Variants in ROPN1L observed in about 807,000 individuals in gnomAD.
The protein encoded by ROPN1L is rhophilin associated tail protein 1 like.
Under a neutral mutation model 22.7 loss-of-function variants are expected in ROPN1L, and 23 were observed. The observed-to-expected ratio is 1.01, with a 90% confidence interval of 0.73 to 1.43. The LOEUF is 1.43. Ranked by LOEUF, ROPN1L falls within the 40% of genes most tolerant of loss-of-function variation. ROPN1L has a pLI of 0.00. For synonymous variants in ROPN1L, 116 were observed against 117.8 expected (o/e 0.98, Z 0.10); for missense variants, 271 against 291.5 (o/e 0.93, Z 0.51).
At chr5:10,447,352 C>T (rs1020601095) in intron 1 of ROPN1L, among the ~76,000 whole-genome samples, 2 of 152,142 alleles carry the variant, frequency 1.3e-5, no homozygotes, top group Admixed American at 1.3e-4. Context: ...CAGTTTCCCA[C>T]TCTTGCCCCC....
rs554489516 is a variant in ROPN1L at position 10,461,184 on chromosome 5, T to A, written c.418T>A (p.Ser140Thr). ...LALGCSMLGGSLNTALKHLCE... is the reference protein window; with the variant it reads ...LALGCSMLGGTLNTALKHLCE... Reference sequence around the variant, plus strand: ...CCCCACCTGGCTGTGGTGCTCCCAGTCCTTGAACACTGCGCTGAAGCACCT... The same window carrying A: ...CCCCACCTGGCTGTGGTGCTCCCAGACCTTGAACACTGCGCTGAAGCACCT... The change falls in exon 4 of 5, where the codon TCC becomes ACC. Residue 140 changes from serine (S) to threonine (T), a missense_variant and splice_region_variant. Ser to Thr is a moderately conservative substitution (Grantham distance 58). Coordinates refer to ENST00000274134, the MANE Select transcript of ROPN1L (RefSeq NM_031916.5). The A allele has an allele frequency of 6.2e-7, 1 of 1,612,696 alleles. No homozygotes were observed.
intron 3 of ROPN1L, among the ~76,000 whole-genome samples, chr5:10,458,817 CTCA>C (rs1385638099): frequency 1.9e-4 from 7 of 37,276 alleles, no homozygotes; most frequent in African/African-American, 4.4e-4. Context: ...TGTACACCAT[CTCA>C]CCCATGTACA....
chr5:10,446,494 C>G (rs890635148), intron 1 of ROPN1L, among the ~76,000 whole-genome samples: 13 of 152,102 alleles, frequency 8.5e-5, no homozygotes, highest in Admixed American at 6.5e-4. Context: ...AACCCCGTCT[C>G]TAATAAAATA....
At chr5:10,471,541 T>C (rs570586096) in intron 4 of ROPN1L, among the ~76,000 whole-genome samples, 1 of 152,306 alleles carries the variant, frequency 6.6e-6, no homozygotes, top group South Asian at 2.1e-4. Flanking sequence ...AGGAGACTGC[T>C]TACTAAGATA....
chr5:10,467,144 G>A (rs1017076321), downstream of ROPN1L, among the ~76,000 whole-genome samples: 144 of 152,068 alleles, frequency 9.5e-4, 1 homozygote, highest in African/African-American at 3.2e-3. Flanking sequence ...AAGTTCCTCC[G>A]CGCCACATTA....
chr5:10,449,852 C>A, intron 2 of ROPN1L, 100 bp from the exon 3 acceptor site: 1 of 978,284 alleles, frequency 1.0e-6, no homozygotes, highest in Non-Finnish European at 1.5e-6. Context: ...CTGTCCCCTG[C>A]ATGGGGCGGG....
At chr5:10,452,910 G>C (rs551654387) in intron 3 of ROPN1L, among the ~76,000 whole-genome samples, 31 of 152,292 alleles carry the variant, frequency 2.0e-4, no homozygotes, top group South Asian at 8.3e-4. Context: ...GTTAAGGATA[G>C]AGCTTGGCCG....
intron 1 of ROPN1L, among the ~76,000 whole-genome samples, chr5:10,443,601 C>T (rs902678705): frequency 1.3e-5 from 2 of 151,626 alleles, no homozygotes; most frequent in African/African-American, 4.9e-5. Flanking sequence ...CGCAGTCCGG[C>T]CCGGGCGACA....
intron 1 of ROPN1L, 126 bp downstream of exon 1, chr5:10,442,424 T>G: frequency 8.2e-7 from 1 of 1,224,006 alleles, no homozygotes; most frequent in Non-Finnish European, 1.1e-6. Context: ...CAGGCAAAAC[T>G]TTCCCCTTAG....
Position 10,441,929 on chromosome 5 carries a change from A to C in ROPN1L, c.-239A>C. On this transcript the variant is annotated 5_prime_UTR_variant, in exon 1 of 5. Coordinates refer to ENST00000274134, the MANE Select transcript of ROPN1L (RefSeq NM_031916.5). ...CGCGTCCGTAGTGGCGGCTGGCGCT[A>C]GGGAACTGCAGGGTCTAGGGTGTTG... is the stretch of plus-strand genomic sequence containing the variant. The C allele has an allele frequency of 5.6e-6, 2 of 356,540 alleles. No individual in the cohort carries two copies. Among genetic ancestry groups the C allele is most frequent in the Non-Finnish European group, 5.1e-6 (1 of 196,414 alleles). 22.1% of individuals were successfully genotyped at this position (356,540 alleles called of 1,614,324 possible).
intron 3 of ROPN1L, among the ~76,000 whole-genome samples, chr5:10,455,496 T>C (rs1027421017): frequency 5.9e-5 from 9 of 152,230 alleles, no homozygotes; most frequent in African/African-American, 1.4e-4. Context: ...TGATTGCTCA[T>C]GTCCCTCCCT....
At chr5:10,460,522 GA>G (rs201914648) in intron 3 of ROPN1L, among the ~76,000 whole-genome samples, 2 of 145,564 alleles carry the variant, frequency 1.4e-5, no homozygotes, top group East Asian at 7.0e-4. Flanking sequence ...CTTTCCCGCT[GA>G]AAGCAGAGGG....
chr5:10,460,434 C>T (rs979701886), intron 3 of ROPN1L, among the ~76,000 whole-genome samples: 2 of 152,222 alleles, frequency 1.3e-5, no homozygotes, highest in African/African-American at 4.8e-5. Flanking sequence ...GCCCCCCACC[C>T]CCGCAGGGAC....
At chr5:10,444,638 A>G (rs1469033609) in intron 1 of ROPN1L, among the ~76,000 whole-genome samples, 1 of 150,760 alleles carries the variant, frequency 6.6e-6, no homozygotes, top group African/African-American at 2.4e-5. Flanking sequence ...GGTGGCTCAC[A>G]CCTGTAATCC....
chr5:10,446,543 C>G (rs1467012261), intron 1 of ROPN1L, among the ~76,000 whole-genome samples: 1 of 152,062 alleles, frequency 6.6e-6, no homozygotes, highest in Non-Finnish European at 1.5e-5. Flanking sequence ...CATGTGTAAT[C>G]CCAGCTACTC....
downstream of ROPN1L, among the ~76,000 whole-genome samples, chr5:10,473,983 C>G (rs192874685): frequency 3.9e-5 from 6 of 152,014 alleles, no homozygotes; most frequent in Non-Finnish European, 7.4e-5. Flanking sequence ...AAATCCCCGT[C>G]TCTACTAAAA....
intron 3 of ROPN1L, among the ~76,000 whole-genome samples, chr5:10,453,688 A>C (rs7708956): frequency 0.019 from 2,887 of 151,620 alleles, 94 homozygotes; most frequent in African/African-American, 0.067. Context: ...TGGCAGGTGT[A>C]CTCTCTGTGC....
At chr5:10,453,596 G>A (rs1259450847) in intron 3 of ROPN1L, among the ~76,000 whole-genome samples, 1 of 152,238 alleles carries the variant, frequency 6.6e-6, no homozygotes, top group African/African-American at 2.4e-5. Flanking sequence ...AGGATGCTGT[G>A]TAATTGGTGG....
At chr5:10,477,983 G>A in the ROPN1L span, 1 of 152,170 alleles carries the variant, frequency 6.6e-6, no homozygotes, top group Non-Finnish European at 1.5e-5. Flanking sequence ...TCTGTTGAAG[G>A]AAGCTTTAAT....
Sources: gnomAD v4.1 joint callset for allele counts (sites outside exome capture counted in the v4.1 genomes callset) on GRCh38, gnomAD v4.1.1 for gene constraint, MANE v1.5 for transcripts, NCBI Gene and HGNC (gene_info 2026-07-23, HGNC 2026-07-21) for gene names.